The following ANK3 variants were observed in gnomAD, a reference collection of about 807,000 sequenced individuals.
The protein encoded by ANK3 is ankyrin 3.
Under a neutral mutation model 370.9 loss-of-function variants are expected in ANK3, and 57 were observed. The ratio of observed to expected loss-of-function variants is 0.15; its 90% CI spans 0.12 to 0.19. ANK3 has a LOEUF of 0.19. ANK3 is among the 10% of genes least tolerant of loss of function. The probability of loss-of-function intolerance (pLI) is 1.00; values close to 1 mark genes in which losing one functional copy is unlikely to be tolerated. For synonymous variants in ANK3, 1,929 were observed against 1,946.3 expected (o/e 0.99, Z 0.23); for missense variants, 4,439 against 5,302.1 (o/e 0.84, Z 5.06).
Position 60,124,534 on chromosome 10 carries a change from T to G in ANK3, c.2841+9737A>C, listed in dbSNP as rs140108981. On this transcript the variant is annotated intron_variant, in intron 25 of 43. Coordinates refer to ENST00000280772, the MANE Select transcript of ANK3 (RefSeq NM_020987.5). ...TTTCTTATATTTCTATAATGTTGCA[T>G]CCCTCTATGTAGATATTTAGGATAG... is the stretch of plus-strand genomic sequence containing the variant. Among the ~76,000 whole-genome samples, 206 of 152,302 alleles carry G rather than the reference T, an allele frequency of 1.4e-3. 1 individual carries two copies. The highest frequency in any genetic ancestry group is 4.7e-3 in the African/African-American group (195 of 41,566).
At chr10:60,134,509 T>A in intron 24 of ANK3, 136 bp from the exon 25 acceptor site, 1 of 592,834 alleles carries the variant, frequency 1.7e-6, no homozygotes, top group Non-Finnish European at 2.9e-6. Context: ...AAGGACATAG[T>A]GAAAAGTAAA....
chr10:60,093,441 G>T (rs977970096), intron 28 of ANK3, among the ~76,000 whole-genome samples: 3 of 152,132 alleles, frequency 2.0e-5, no homozygotes, highest in African/African-American at 7.2e-5. Context: ...CTTATAACAA[G>T]CTGTGTATCC....
chr10:60,582,718 C>T (rs1227758489), intron 2 of ANK3, among the ~76,000 whole-genome samples: 1 of 150,900 alleles, frequency 6.6e-6, no homozygotes, highest in Admixed American at 6.6e-5. Context: ...GATATGAGCC[C>T]ATTTTCAGAT....
intron 2 of ANK3, among the ~76,000 whole-genome samples, chr10:60,401,512 A>G (rs1357940027): frequency 3.9e-5 from 6 of 152,214 alleles, no homozygotes; most frequent in Non-Finnish European, 8.8e-5. Flanking sequence ...AGAAATGAGT[A>G]CCATTAGTAT....
intron 1 of ANK3, among the ~76,000 whole-genome samples, chr10:60,668,391 T>C (rs550852065): frequency 1.3e-5 from 2 of 151,592 alleles, no homozygotes; most frequent in South Asian, 4.1e-4. Flanking sequence ...CTGATTATAG[T>C]ACTTAAGGGG....
intron 1 of ANK3, among the ~76,000 whole-genome samples, chr10:60,670,131 A>T (rs2079047763): frequency 6.6e-6 from 1 of 151,924 alleles, no homozygotes; most frequent in Non-Finnish European, 1.5e-5. Flanking sequence ...GCCCTAATTG[A>T]TTTTAAATAT....
chr10:60,202,412 C>T (rs989582166), intron 12 of ANK3, among the ~76,000 whole-genome samples: 3 of 152,186 alleles, frequency 2.0e-5, no homozygotes, highest in Admixed American at 1.3e-4. Context: ...CGTGAGCCAC[C>T]GTGCCCGGCC....
At chr10:60,308,193 T>C (rs1323933883) in intron 1 of ANK3, among the ~76,000 whole-genome samples, 2 of 152,118 alleles carry the variant, frequency 1.3e-5, no homozygotes, top group African/African-American at 4.8e-5. Flanking sequence ...GAACATATTC[T>C]ACTTTCCTTT....
chr10:60,506,082 T>G (rs1595166532), intron 2 of ANK3, among the ~76,000 whole-genome samples: 1 of 152,214 alleles, frequency 6.6e-6, no homozygotes, highest in Middle Eastern at 3.4e-3. Flanking sequence ...AAAAAAGGAC[T>G]GGGTGATTAT....
In ANK3 at chr10:60,070,642, G is replaced by A; in HGVS notation, c.10239C>T (p.Asp3413=). 6.2e-7 allele frequency: 1 copy of A among 1,614,124 alleles called. No individual in the cohort carries two copies. The highest frequency in any genetic ancestry group is 8.5e-7 in the Non-Finnish European group (1 of 1,180,018). The change falls in exon 37 of 44, where the codon GAC becomes GAT. Residue 3413 remains aspartate (D), a synonymous_variant. Transcript: ENST00000280772. The surrounding 1 kb of genome is among the most constrained non-coding windows in gnomAD (Gnocchi z 5.7). ...CTTGCAGGTCATAGCCATCCAGAGAGTCGATCTCTGTGGCATCCGTGTCAT... is the reference window on the plus strand; with the variant it reads ...CTTGCAGGTCATAGCCATCCAGAGAATCGATCTCTGTGGCATCCGTGTCAT... ...FSHDTDATEI[D]SLDGYDLQDE... is the part of the protein sequence containing the mutation.
chr10:60,265,245 C>G (rs899205148), intron 5 of ANK3, among the ~76,000 whole-genome samples: 6 of 152,180 alleles, frequency 3.9e-5, no homozygotes, highest in African/African-American at 1.2e-4. Flanking sequence ...TGACCATTAC[C>G]TCCTGTCTCC....
At chr10:60,683,969 T>C (rs900477927) in intron 1 of ANK3, among the ~76,000 whole-genome samples, 2 of 152,186 alleles carry the variant, frequency 1.3e-5, no homozygotes, top group Admixed American at 1.3e-4. Context: ...TTAAAACTCA[T>C]GGAAATACCG....
chr10:60,051,251 C>T (rs768028675), intron 42 of ANK3, among the ~76,000 whole-genome samples: 15 of 151,998 alleles, frequency 9.9e-5, no homozygotes, highest in African/African-American at 2.9e-4. Flanking sequence ...AAACTACAAC[C>T]GCCACATATC....
chr10:60,637,790 T>C (rs1025636030), intron 1 of ANK3, among the ~76,000 whole-genome samples: 2 of 152,202 alleles, frequency 1.3e-5, no homozygotes, highest in Admixed American at 6.5e-5. Context: ...CTTATTCCTA[T>C]TTCTAACCCT....
intron 31 of ANK3, 95 bp downstream of exon 31, chr10:60,085,061 AC>A: frequency 9.6e-7 from 1 of 1,037,730 alleles, no homozygotes; most frequent in Non-Finnish European, 1.4e-6. Context: ...TTTTCTCACA[AC>A]AATTTTTTTT....
intron 1 of ANK3, among the ~76,000 whole-genome samples, chr10:60,690,994 T>C (rs143085850): frequency 4.1e-4 from 62 of 152,318 alleles, no homozygotes; most frequent in African/African-American, 1.4e-3. Context: ...ATTAAACCCA[T>C]ACAGATTTTC....
At chr10:60,692,297 C>T (rs1368273573) in intron 1 of ANK3, among the ~76,000 whole-genome samples, 2 of 152,210 alleles carry the variant, frequency 1.3e-5, no homozygotes, top group Non-Finnish European at 2.9e-5. Context: ...AGCTGCTGTA[C>T]ATCTTGTTGT....
intron 1 of ANK3, among the ~76,000 whole-genome samples, chr10:60,670,341 A>C (rs2133380684): frequency 6.6e-6 from 1 of 151,578 alleles, no homozygotes. Flanking sequence ...TTGCACCACC[A>C]CCCTCAGAAC....
intron 2 of ANK3, among the ~76,000 whole-genome samples, chr10:60,462,019 A>G (rs561879863): frequency 1.7e-4 from 26 of 152,252 alleles, no homozygotes; most frequent in Non-Finnish European, 2.8e-4. Flanking sequence ...CGGATGGGCA[A>G]TTTGTGCTTT....
Sources: gnomAD v4.1 joint callset for allele counts (sites outside exome capture counted in the v4.1 genomes callset) on GRCh38, gnomAD v4.1.1 for gene constraint, Gnocchi (gnomAD v3.1) non-coding constraint, MANE v1.5 for transcripts, NCBI Gene and HGNC (gene_info 2026-07-23, HGNC 2026-07-21) for gene names.